ZFHX3: variants seen among roughly 807,000 people sequenced by gnomAD.
ZFHX3 encodes zinc finger homeobox protein 3.
ZFHX3 carries 42 observed loss-of-function variants against 279.1 expected under a neutral mutation model. The ratio of observed to expected loss-of-function variants is 0.15; its 90% CI spans 0.12 to 0.19. The LOEUF (loss-of-function observed/expected upper bound fraction) is 0.19. Ranked by LOEUF, ZFHX3 falls within the 10% of genes least tolerant of loss-of-function variation. ZFHX3 has a pLI of 1.00. For missense variants in ZFHX3, 4,981 were observed against 4,754.0 expected (o/e 1.05, Z -1.40); for synonymous variants, 2,293 against 1,957.8 (o/e 1.17, Z -4.52).
At chr16:73,001,684 G>C (rs1332227214) in intron 1 of ZFHX3, among the ~76,000 whole-genome samples, 2 of 151,934 alleles carry the variant, frequency 1.3e-5, no homozygotes, top group Non-Finnish European at 2.9e-5. Context: ...GCCAAGTGTG[G>C]TGGCACATGA....
chr16:73,462,779 T>C (rs185572294), intron 2 of ZFHX3, among the ~76,000 whole-genome samples: 1 of 152,292 alleles, frequency 6.6e-6, no homozygotes, highest in East Asian at 1.9e-4. Flanking sequence ...TGAGTCACGG[T>C]GTATCATTCT....
intron 1 of ZFHX3, among the ~76,000 whole-genome samples, chr16:73,822,664 G>C (rs1317541307): frequency 1.3e-5 from 2 of 152,192 alleles, no homozygotes; most frequent in Non-Finnish European, 2.9e-5. Flanking sequence ...TGTGTGCCTG[G>C]CAGTTGTAAC....
chr16:73,168,227 C>A (rs1001446500), intron 5 of ZFHX3, among the ~76,000 whole-genome samples: 6 of 135,438 alleles, frequency 4.4e-5, no homozygotes, highest in African/African-American at 1.7e-4. Flanking sequence ...TTCTTTCTTT[C>A]TTTCTTTCTT....
intron 4 of ZFHX3, among the ~76,000 whole-genome samples, chr16:73,270,937 T>G (rs1280143127): frequency 6.6e-6 from 1 of 152,214 alleles, no homozygotes; most frequent in Non-Finnish European, 1.5e-5. Context: ...CTAGGTAATG[T>G]GTAACATTTC....
At chr16:73,492,977 T>C (rs2019079043) in intron 2 of ZFHX3, among the ~76,000 whole-genome samples, 1 of 152,218 alleles carries the variant, frequency 6.6e-6, no homozygotes, top group Admixed American at 6.5e-5. Context: ...TAATAAAGTA[T>C]TATATACATT....
intron 1 of ZFHX3, among the ~76,000 whole-genome samples, chr16:73,756,297 T>A (rs2053808487): frequency 6.6e-6 from 1 of 152,172 alleles, no homozygotes; most frequent in Non-Finnish European, 1.5e-5. Flanking sequence ...AGGGGTAGCA[T>A]TTTCTTCATC....
At chr16:72,859,480 A>G (rs938037251) in intron 4 of ZFHX3, among the ~76,000 whole-genome samples, 1 of 152,230 alleles carries the variant, frequency 6.6e-6, no homozygotes, top group African/African-American at 2.4e-5. Context: ...AGCCATGTTT[A>G]AAGTCTCTGG....
intron 5 of ZFHX3, among the ~76,000 whole-genome samples, chr16:73,216,228 CT>C (rs1227455284): frequency 1.3e-5 from 2 of 152,206 alleles, no homozygotes; most frequent in African/African-American, 2.4e-5. Flanking sequence ...CCTAAGTTAT[CT>C]TTCCAAAACT....
chr16:73,833,183 C>A (rs1012670878), intron 1 of ZFHX3, among the ~76,000 whole-genome samples: 2 of 152,088 alleles, frequency 1.3e-5, no homozygotes, highest in Non-Finnish European at 2.9e-5. Flanking sequence ...GGCGACGTAG[C>A]AAGACCTCAT....
At chr16:73,319,251 T>C (rs1312261637) in intron 3 of ZFHX3, among the ~76,000 whole-genome samples, 1 of 151,772 alleles carries the variant, frequency 6.6e-6, no homozygotes, top group African/African-American at 2.4e-5. Flanking sequence ...ATGAGAAGGT[T>C]AGGAGCATCA....
chr16:73,680,609 G>C (rs1257737469), intron 1 of ZFHX3, among the ~76,000 whole-genome samples: 1 of 152,168 alleles, frequency 6.6e-6, no homozygotes, highest in Admixed American at 6.5e-5. Context: ...AAAGGAATTT[G>C]GGATTTTCTC....
intron 3 of ZFHX3, among the ~76,000 whole-genome samples, chr16:73,364,659 T>C (rs2016498242): frequency 6.6e-6 from 1 of 152,110 alleles, no homozygotes; most frequent in South Asian, 2.1e-4. Flanking sequence ...CTGGTGAGTT[T>C]TAGGACATTC....
chr16:73,132,097 G>A (rs1413141271), intron 6 of ZFHX3, among the ~76,000 whole-genome samples: 1 of 152,042 alleles, frequency 6.6e-6, no homozygotes, highest in Non-Finnish European at 1.5e-5. Flanking sequence ...ACCAGCCTGG[G>A]CAACATAGTG....
intron 2 of ZFHX3, among the ~76,000 whole-genome samples, chr16:73,602,014 C>T (rs1039477720): frequency 2.0e-5 from 3 of 152,052 alleles, no homozygotes; most frequent in African/African-American, 7.3e-5. Flanking sequence ...TGCCTGTAGT[C>T]CCAACTACTC....
intron 1 of ZFHX3, among the ~76,000 whole-genome samples, chr16:73,711,908 C>G (rs371917138): frequency 6.6e-6 from 1 of 152,222 alleles, no homozygotes; most frequent in East Asian, 1.9e-4. Flanking sequence ...GCCCCACCTA[C>G]AGCCCTTGAG....
In ZFHX3 at chr16:72,947,634, C is replaced by A. The variant is rs139983831; in HGVS notation, c.3216+2835G>T. On this transcript the variant is annotated intron_variant, in intron 3 of 9. Transcript: ENST00000268489. Reference sequence around the variant, plus strand: ...AGCCACATACATCACTGCCACTTCACTAGGTGCCGCGGAGAGCAGCTTTGG... The same window carrying A: ...AGCCACATACATCACTGCCACTTCAATAGGTGCCGCGGAGAGCAGCTTTGG... Among the ~76,000 whole-genome samples, 355 of 152,154 alleles carry A rather than the reference C, an allele frequency of 2.3e-3. 7 individuals carry two copies. The highest frequency in any genetic ancestry group is 0.017 in the Admixed American group (254 of 15,278).
At chr16:73,163,657 T>C (rs1174718910) in intron 5 of ZFHX3, among the ~76,000 whole-genome samples, 1 of 152,184 alleles carries the variant, frequency 6.6e-6, no homozygotes, top group Non-Finnish European at 1.5e-5. Flanking sequence ...GGACTAACAG[T>C]TCAGAAGAGT....
chr16:73,639,765 C>T (rs74030144), intron 2 of ZFHX3, among the ~76,000 whole-genome samples: 1,782 of 151,862 alleles, frequency 0.012, 32 homozygotes, highest in African/African-American at 0.041. Context: ...AAAGGAATAA[C>T]AGTAAAAGAC....
At chr16:73,340,879 A>G (rs1193218910) in intron 3 of ZFHX3, among the ~76,000 whole-genome samples, 1 of 152,244 alleles carries the variant, frequency 6.6e-6, no homozygotes, top group Non-Finnish European at 1.5e-5. Flanking sequence ...AACTTGAGTC[A>G]ATATCCACAG....
Sources: gnomAD v4.1 joint callset for allele counts (sites outside exome capture counted in the v4.1 genomes callset) on GRCh38, gnomAD v4.1.1 for gene constraint, MANE v1.5 for transcripts, NCBI Gene and HGNC (gene_info 2026-07-23, HGNC 2026-07-21) for gene names.